The following PAG1 variants were observed in gnomAD, a reference collection of about 807,000 sequenced individuals.
PAG1 encodes phosphoprotein associated with glycosphingolipid-enriched microdomains 1.
A neutral mutation model predicts 31.7 loss-of-function variants in PAG1; 23 were observed. The observed-to-expected ratio is 0.73, with a 90% CI of 0.52 to 1.03. The LOEUF (loss-of-function observed/expected upper bound fraction) is 1.03. Among genes scored for constraint, PAG1 ranks in the 50% least tolerant of loss-of-function variants. PAG1 has a pLI of 0.00. For synonymous variants in PAG1, 214 were observed against 210.3 expected (o/e 1.02, Z -0.15); for missense variants, 473 against 540.7 (o/e 0.87, Z 1.24).
chr8:81,061,629 A>C (rs377613752), intron 2 of PAG1, among the ~76,000 whole-genome samples: 9 of 152,208 alleles, frequency 5.9e-5, no homozygotes, highest in African/African-American at 2.2e-4. Flanking sequence ...AAGAATGCCT[A>C]CTCAATGCCA....
chr8:81,085,972 G>GCT (rs1809345131), intron 1 of PAG1, among the ~76,000 whole-genome samples: 1 of 58,876 alleles, frequency 1.7e-5, no homozygotes. Flanking sequence ...AATCTGGCTT[G>GCT]TTTTTTTTTT....
chr8:81,057,207 A>T (rs576343793), intron 2 of PAG1, among the ~76,000 whole-genome samples: 14 of 152,222 alleles, frequency 9.2e-5, no homozygotes, highest in Admixed American at 2.0e-4. Context: ...TGACCCAGCC[A>T]TCCCACTACT....
chr8:80,989,566 T>A (rs1364708883), intron 5 of PAG1, among the ~76,000 whole-genome samples: 1 of 152,116 alleles, frequency 6.6e-6, no homozygotes, highest in Non-Finnish European at 1.5e-5. Context: ...CACATCCATA[T>A]AAATGAGGCT....
chr8:81,011,517 A>G (rs531758545), intron 3 of PAG1, among the ~76,000 whole-genome samples: 66 of 152,252 alleles, frequency 4.3e-4, no homozygotes, highest in African/African-American at 1.5e-3. Context: ...ATAAGTGACC[A>G]GTCTCAGGTA....
chr8:80,984,748 A>G, intron 7 of PAG1, 28 bp downstream of exon 7: 1 of 1,602,212 alleles, frequency 6.2e-7, no homozygotes, highest in Non-Finnish European at 8.5e-7. Flanking sequence ...GGAACCCACA[A>G]AGACAAAACA....
chr8:81,005,493 T>G (rs556558314), intron 3 of PAG1, among the ~76,000 whole-genome samples: 1 of 152,330 alleles, frequency 6.6e-6, no homozygotes, highest in Non-Finnish European at 1.5e-5. Context: ...GAATCAGTCA[T>G]GCTCTTTGGA....
At position 80,974,167 on chromosome 8, in the gene PAG1, T is replaced by G. The variant is rs1416899877; in HGVS notation, c.*2377A>C. 6.6e-6 allele frequency: 1 copy of G among 150,752 alleles called. No individual in the cohort carries two copies. The highest frequency in any genetic ancestry group is 1.5e-5 in the Non-Finnish European group (1 of 67,680). The allele number at this position is 150,752 out of a possible 1,614,324, so 9.3% of individuals were successfully genotyped here. On this transcript the variant is annotated 3_prime_UTR_variant, in exon 9 of 9. Transcript: ENST00000220597. ...TCTATAAAAAGTTTTTTTTTTTTTTTTTTTTTTACTTTAGAGATCATACCT... is the reference window on the plus strand; with the variant it reads ...TCTATAAAAAGTTTTTTTTTTTTTTGTTTTTTTACTTTAGAGATCATACCT...
chr8:81,109,890 C>T (rs896623783), intron 1 of PAG1, among the ~76,000 whole-genome samples: 1 of 152,168 alleles, frequency 6.6e-6, no homozygotes, highest in Non-Finnish European at 1.5e-5. Context: ...GTCCTCCTAA[C>T]CAGGCTGCAA....
intron 2 of PAG1, among the ~76,000 whole-genome samples, chr8:81,049,452 T>C (rs917026030): frequency 1.3e-5 from 2 of 152,178 alleles, no homozygotes; most frequent in African/African-American, 2.4e-5. Flanking sequence ...CCTATGAAAA[T>C]GCAAAAGTAA....
Position 80,972,325 on chromosome 8 carries a change from C to T in PAG1, c.*4219G>A, listed in dbSNP as rs572396362. 6.6e-6 allele frequency: 1 copy of T among 152,262 alleles called. No individual in the cohort carries two copies. Among genetic ancestry groups the T allele is most frequent in the South Asian group, 2.1e-4 (1 of 4,816 alleles). The allele number at this position is 152,262 out of a possible 1,614,324, so 9.4% of individuals were successfully genotyped here. ...TTGCATGGACTCATATTAACTATTA[C>T]AAGGGGCACTGGAAAAAAAGGTCAT... On this transcript the variant is annotated 3_prime_UTR_variant, in exon 9 of 9. Transcript: ENST00000220597.
At chr8:81,043,659 T>A (rs965329005) in intron 2 of PAG1, among the ~76,000 whole-genome samples, 1 of 152,228 alleles carries the variant, frequency 6.6e-6, no homozygotes, top group African/African-American at 2.4e-5. Flanking sequence ...ATTACAATGA[T>A]TAGTCCTGCA....
At chr8:81,021,118 G>A (rs955319830) in intron 3 of PAG1, among the ~76,000 whole-genome samples, 3 of 152,232 alleles carry the variant, frequency 2.0e-5, no homozygotes, top group African/African-American at 7.2e-5. Context: ...AGATGGCAGG[G>A]CTGGATTTGG....
At chr8:81,048,873 T>C (rs1255716455) in intron 2 of PAG1, among the ~76,000 whole-genome samples, 1 of 152,196 alleles carries the variant, frequency 6.6e-6, no homozygotes, top group African/African-American at 2.4e-5. Flanking sequence ...CACTGCAATA[T>C]ATAATATACA....
intron 1 of PAG1, among the ~76,000 whole-genome samples, chr8:81,110,053 TA>T (rs887757040): frequency 4.6e-4 from 70 of 151,264 alleles, no homozygotes; most frequent in African/African-American, 1.2e-3. Context: ...TTAGTATTCC[TA>T]AAAAAAAACC....
At chr8:81,037,857 T>C (rs1233318141) in intron 2 of PAG1, among the ~76,000 whole-genome samples, 1 of 152,260 alleles carries the variant, frequency 6.6e-6, no homozygotes, top group Non-Finnish European at 1.5e-5. Context: ...GTAAATATTA[T>C]TCCAGTCCTT....
At chr8:80,984,167 G>A (rs1264179901) in intron 7 of PAG1, among the ~76,000 whole-genome samples, 4 of 152,170 alleles carry the variant, frequency 2.6e-5, no homozygotes, top group African/African-American at 9.7e-5. Context: ...CTTCATCGTG[G>A]CTCAGATATC....
chr8:80,985,491 C>T, intron 6 of PAG1, 114 bp from the exon 7 acceptor site: 1 of 1,061,196 alleles, frequency 9.4e-7, no homozygotes, highest in Non-Finnish European at 1.3e-6. Flanking sequence ...TTATTTAAGT[C>T]TCAGGCACAA....
At chr8:81,068,166 G>C (rs1322228820) in intron 2 of PAG1, among the ~76,000 whole-genome samples, 1 of 152,180 alleles carries the variant, frequency 6.6e-6, no homozygotes, top group East Asian at 1.9e-4. Context: ...TAGAGTGCTG[G>C]GATTACAGGC....
chr8:81,005,582 T>C (rs919772541), intron 3 of PAG1, among the ~76,000 whole-genome samples: 9 of 152,306 alleles, frequency 5.9e-5, no homozygotes, highest in African/African-American at 2.2e-4. Flanking sequence ...AAAGGCAATA[T>C]GGAGAAAACT....
Sources: allele counts gnomAD v4.1 joint callset (sites outside exome capture counted in the v4.1 genomes callset), GRCh38; gene constraint gnomAD v4.1.1; transcripts MANE v1.5; gene names NCBI Gene and HGNC (gene_info 2026-07-23, HGNC 2026-07-21).